The following TUBGCP3 variants were observed in gnomAD, a reference collection of about 807,000 sequenced individuals.
TUBGCP3 encodes gamma-tubulin complex component 3.
Under a neutral mutation model 123.1 loss-of-function variants are expected in TUBGCP3, and 50 were observed. The observed-to-expected ratio is 0.41, with a 90% CI of 0.32 to 0.51. The LOEUF (loss-of-function observed/expected upper bound fraction) is 0.51, where lower values mean the gene tolerates loss of function less well. Among genes scored for constraint, TUBGCP3 ranks in the 20% least tolerant of loss-of-function variants. The pLI is 0.36. For synonymous variants in TUBGCP3, 405 were observed against 413.9 expected (o/e 0.98, Z 0.26); for missense variants, 882 against 1,127.0 (o/e 0.78, Z 3.11).
chr13:112,589,440 C>A (rs1461342073), upstream of TUBGCP3, among the ~76,000 whole-genome samples: 1 of 152,194 alleles, frequency 6.6e-6, no homozygotes, highest in Non-Finnish European at 1.5e-5. Flanking sequence ...TATGCCATAG[C>A]GTCTTTGCCC....
chr13:112,499,330 T>G, intron 19 of TUBGCP3, 145 bp from the exon 20 acceptor site: 1 of 1,102,884 alleles, frequency 9.1e-7, no homozygotes, highest in Non-Finnish European at 1.3e-6. Flanking sequence ...ATTCATTCCC[T>G]CACCACACAT....
At chr13:112,516,383 TG>T (rs1876128420) in intron 17 of TUBGCP3, 56 bp downstream of exon 17, 3 of 1,469,548 alleles carry the variant, frequency 2.0e-6, no homozygotes, top group Admixed American at 4.8e-5. Flanking sequence ...CCGCACCCAG[TG>T]GGGGCTGGAG....
At chr13:112,488,508 A>G (rs1879828858) in intron 21 of TUBGCP3, among the ~76,000 whole-genome samples, 1 of 152,180 alleles carries the variant, frequency 6.6e-6, no homozygotes, top group Admixed American at 6.5e-5. Flanking sequence ...TGTCTCAGGG[A>G]CAGTCCCCAT....
the TUBGCP3 span, among the ~76,000 whole-genome samples, chr13:112,598,355 G>A: frequency 1.3e-5 from 2 of 151,366 alleles, no homozygotes; most frequent in Admixed American, 6.6e-5. Context: ...GGCTAGCACT[G>A]TAGGCAGGAA....
chr13:112,578,442 C>T (rs1251826626), intron 1 of TUBGCP3, among the ~76,000 whole-genome samples: 1 of 149,030 alleles, frequency 6.7e-6, no homozygotes, highest in Non-Finnish European at 1.5e-5. Flanking sequence ...GCCTGTAATC[C>T]CAGCTACTCG....
chr13:112,503,539 T>C (rs1421292501), intron 19 of TUBGCP3, among the ~76,000 whole-genome samples: 1 of 152,048 alleles, frequency 6.6e-6, no homozygotes, highest in East Asian at 1.9e-4. Context: ...CCGGCTAGTG[T>C]GTATTTTTAG....
At chr13:112,494,399 A>G (rs2139198536) in intron 20 of TUBGCP3, among the ~76,000 whole-genome samples, 1 of 152,308 alleles carries the variant, frequency 6.6e-6, no homozygotes, top group Non-Finnish European at 1.5e-5. Context: ...TAAAATTTTA[A>G]CATTAAACAT....
chr13:112,489,765 A>C (rs1879948089), intron 20 of TUBGCP3, 68 bp from the exon 21 acceptor site: 4 of 1,323,478 alleles, frequency 3.0e-6, no homozygotes, highest in Non-Finnish European at 4.4e-6. Context: ...GTAGGGCTGA[A>C]AACAGGTATG....
intron 20 of TUBGCP3, among the ~76,000 whole-genome samples, chr13:112,490,042 AAGAC>A (rs1879972878): frequency 6.6e-6 from 1 of 152,146 alleles, no homozygotes; most frequent in Non-Finnish European, 1.5e-5. Flanking sequence ...TTATATAACA[AAGAC>A]AGTATGTGTG....
intron 7 of TUBGCP3, 61 bp downstream of exon 7, chr13:112,554,826 T>G (rs1329221247): frequency 4.0e-5 from 49 of 1,239,636 alleles, no homozygotes; most frequent in Non-Finnish European, 5.3e-5. Context: ...AGCCACTATC[T>G]GGACTTCATG....
chr13:112,488,530 G>GA (rs1879832156), intron 21 of TUBGCP3, among the ~76,000 whole-genome samples: 1 of 152,162 alleles, frequency 6.6e-6, no homozygotes. Flanking sequence ...GGGAGTCACT[G>GA]AAAAACCCAA....
chr13:112,549,654 C>A (rs929564842), intron 8 of TUBGCP3, among the ~76,000 whole-genome samples: 3 of 152,018 alleles, frequency 2.0e-5, no homozygotes, highest in African/African-American at 7.2e-5. Flanking sequence ...TCTTCTGACC[C>A]CTATTAGTAG....
At position 112,577,025 on chromosome 13, in the gene TUBGCP3, C is replaced by G. The variant is rs574593717; in HGVS notation, c.77-7766G>C. On this transcript the variant is annotated intron_variant, in intron 1 of 21. Coordinates refer to ENST00000261965, the MANE Select transcript of TUBGCP3 (RefSeq NM_006322.6). ...AAAAAAAATCACAGAATTGATAAAC[C>G]TTTGCCAGACTGACCAAGAAAAACA... 8.7e-5 allele frequency among the ~76,000 whole-genome samples: 13 copies of G among 149,730 alleles called. No homozygotes were observed. The East Asian group carries it at 2.5e-3, about 29-fold the overall frequency.
intron 13 of TUBGCP3, 24 bp from the exon 14 acceptor site, chr13:112,522,533 C>T (rs374072717): frequency 1.8e-5 from 28 of 1,596,394 alleles, no homozygotes; most frequent in Non-Finnish European, 2.2e-5. Flanking sequence ...CAGGGAAGAG[C>T]ACACATGCAT....
intron 7 of TUBGCP3, 136 bp from the exon 8 acceptor site, chr13:112,554,318 A>G (rs1201086081): frequency 9.4e-7 from 1 of 1,066,596 alleles, no homozygotes; most frequent in African/African-American, 1.6e-5. Flanking sequence ...CTAAGATCCC[A>G]TCACTAAAGG....
At chr13:112,512,197 G>A (rs1215926588) in intron 17 of TUBGCP3, among the ~76,000 whole-genome samples, 1 of 152,176 alleles carries the variant, frequency 6.6e-6, no homozygotes, top group African/African-American at 2.4e-5. Context: ...AAGGCGGGCA[G>A]ATCACTTGAG....
intron 14 of TUBGCP3, 131 bp downstream of exon 14, chr13:112,522,189 G>T (rs1876682138): frequency 1.1e-6 from 1 of 944,128 alleles, no homozygotes; most frequent in South Asian, 3.2e-5. Flanking sequence ...ATTCTTTTCA[G>T]ATTTTATTTT....
upstream of TUBGCP3, among the ~76,000 whole-genome samples, chr13:112,590,509 A>G (rs1594246115): frequency 6.6e-6 from 1 of 152,042 alleles, no homozygotes; most frequent in South Asian, 2.1e-4. Context: ...TTTTTCAGCT[A>G]CCACCATCAC....
intron 11 of TUBGCP3, among the ~76,000 whole-genome samples, chr13:112,527,796 C>T (rs1324609759): frequency 6.6e-6 from 1 of 152,252 alleles, no homozygotes; most frequent in South Asian, 2.1e-4. Context: ...TCCTCAGTAA[C>T]GGTGCAGGCT....
Sources: gnomAD v4.1 joint callset for allele counts (sites outside exome capture counted in the v4.1 genomes callset) on GRCh38, gnomAD v4.1.1 for gene constraint, MANE v1.5 for transcripts, NCBI Gene and HGNC (gene_info 2026-07-23, HGNC 2026-07-21) for gene names.